DDIAS: variants seen among roughly 807,000 people sequenced by gnomAD.
DDIAS encodes the protein DNA damage induced apoptosis suppressor, also known as DNA damage-induced apoptosis suppressor protein.
A neutral mutation model predicts 15.7 loss-of-function variants in DDIAS; 14 were observed. The ratio of observed to expected loss-of-function variants is 0.89; its 90% CI spans 0.59 to 1.39. DDIAS has a LOEUF of 1.39. Among genes scored for constraint, DDIAS ranks in the 40% most tolerant of loss-of-function variants. DDIAS has a pLI of 0.00. For synonymous variants in DDIAS, 355 were observed against 395.9 expected (o/e 0.90, Z 1.23); for missense variants, 1,035 against 1,130.9 (o/e 0.92, Z 1.22).
Position 82,916,938 on chromosome 11 carries a change from G to A in DDIAS, c.113+2087G>A, listed in dbSNP as rs1010926176. Among the ~76,000 whole-genome samples, 68 of 152,170 alleles carry A rather than the reference G, an allele frequency of 4.5e-4. 1 individual carries two copies. Among genetic ancestry groups the A allele is most frequent in the Admixed American group, 3.1e-3 (47 of 15,284 alleles). On this transcript the variant is annotated intron_variant, in intron 3 of 5. Transcript: ENST00000533655. ...ACCATATTACTTCCAAATTAGCAGC[G>A]AAGTTTGTATTCAGAATGACATCTT... is the stretch of plus-strand genomic sequence containing the variant.
At chr11:82,930,589 A>G (rs760401302) in intron 5 of DDIAS, among the ~76,000 whole-genome samples, 2 of 152,160 alleles carry the variant, frequency 1.3e-5, no homozygotes, top group Non-Finnish European at 2.9e-5. Context: ...TTCAAATTCT[A>G]TAGTAAAACT....
At chr11:82,916,831 G>A (rs531862477) in intron 3 of DDIAS, among the ~76,000 whole-genome samples, 6 of 152,234 alleles carry the variant, frequency 3.9e-5, no homozygotes, top group African/African-American at 1.4e-4. Context: ...GTAACTTACC[G>A]CAAATCATCA....
At chr11:82,914,496 C>T (rs1860591631) in intron 2 of DDIAS, among the ~76,000 whole-genome samples, 1 of 152,154 alleles carries the variant, frequency 6.6e-6, no homozygotes, top group Admixed American at 6.5e-5. Context: ...AAACAGGATA[C>T]AAGAATTTTC....
At chr11:82,925,914 A>T (rs966914087) in intron 3 of DDIAS, among the ~76,000 whole-genome samples, 1 of 150,668 alleles carries the variant, frequency 6.6e-6, no homozygotes, top group African/African-American at 2.5e-5. Flanking sequence ...CCTGAACCCA[A>T]GAGGTGGAGG....
intron 1 of DDIAS, among the ~76,000 whole-genome samples, chr11:82,912,275 T>C (rs1860542787): frequency 6.6e-6 from 1 of 152,244 alleles, no homozygotes; most frequent in Admixed American, 6.5e-5. Flanking sequence ...TATAAGTCTG[T>C]TGTGTCTACA....
At chr11:82,920,033 A>T (rs141556505) in intron 3 of DDIAS, among the ~76,000 whole-genome samples, 3 of 152,214 alleles carry the variant, frequency 2.0e-5, no homozygotes, top group Admixed American at 2.0e-4. Context: ...TTTTGTTGGT[A>T]ATTTTTTAAT....
At chr11:82,903,684 T>C (rs537826696) in intron 1 of DDIAS, among the ~76,000 whole-genome samples, 3 of 152,302 alleles carry the variant, frequency 2.0e-5, no homozygotes, top group African/African-American at 7.2e-5. Context: ...TGACTGCCTT[T>C]AGAAAAATTA....
At chr11:82,919,737 G>A (rs181640723) in intron 3 of DDIAS, among the ~76,000 whole-genome samples, 5 of 152,050 alleles carry the variant, frequency 3.3e-5, no homozygotes, top group Non-Finnish European at 4.4e-5. Context: ...ACTTTTTTTC[G>A]TTGGTTTTTT....
At chr11:82,926,194 A>G (rs966611277) in intron 3 of DDIAS, among the ~76,000 whole-genome samples, 6 of 151,418 alleles carry the variant, frequency 4.0e-5, no homozygotes, top group African/African-American at 1.5e-4. Flanking sequence ...AGCTCAAGCA[A>G]TCCTCCCATC....
Position 82,932,780 on chromosome 11 carries a change from C to A in DDIAS, c.1442C>A (p.Ser481Ter). 3 of 1,613,874 alleles carry A rather than the reference C, an allele frequency of 1.9e-6. No individual in the cohort carries two copies. In the South Asian group the frequency reaches 3.3e-5, roughly 18 times the overall value. The change falls in exon 6 of 6, where the codon TCA becomes TAA. Residue 481 changes from serine to a stop codon, truncating the protein, a stop_gained. Transcript: ENST00000533655. LOFTEE classifies it low-confidence loss of function (END_TRUNC). ...ALHTPPIALR[S>*]SQVIVKANCS... ...CATACACCACCTATAGCTTTAAGAT[C>A]ATCACAAGTAATAGTCAAAGCAAAC...
chr11:82,915,589 A>G (rs1860616154), intron 3 of DDIAS, among the ~76,000 whole-genome samples: 2 of 152,232 alleles, frequency 1.3e-5, no homozygotes, highest in African/African-American at 4.8e-5. Context: ...TCCTTGAAGT[A>G]GTTATCACAC....
chr11:82,914,354 T>G (rs1452203735), intron 2 of DDIAS, among the ~76,000 whole-genome samples: 1 of 152,236 alleles, frequency 6.6e-6, no homozygotes, highest in African/African-American at 2.4e-5. Flanking sequence ...GTTTTGGACT[T>G]TCAGATTCAA....
At chr11:82,913,109 A>G (rs1002888122) in intron 1 of DDIAS, among the ~76,000 whole-genome samples, 178 bp from the exon 2 acceptor site, 4 of 152,238 alleles carry the variant, frequency 2.6e-5, no homozygotes, top group Non-Finnish European at 4.4e-5. Flanking sequence ...AAAATGTGAG[A>G]TGGAAGGTGA....
chr11:82,914,498 A>G (rs1402599087), intron 2 of DDIAS, among the ~76,000 whole-genome samples: 1 of 152,238 alleles, frequency 6.6e-6, no homozygotes, highest in East Asian at 1.9e-4. Context: ...ACAGGATACA[A>G]GAATTTTCTT....
Position 82,931,999 on chromosome 11 carries a change from G to A in DDIAS, c.661G>A (p.Asp221Asn), listed in dbSNP as rs1213734711. Residue 221 changes from aspartate (D) to asparagine (N), a missense_variant, in exon 6 of 6, where the codon GAC (aspartate) becomes AAC (asparagine). Asp to Asn is a conservative substitution (Grantham distance 23). Transcript: ENST00000533655. ...NSDLSSIYTS[D>N]STSDFFKSCS... Reference sequence around the variant, plus strand: ...TGATCTCAGCAGCATATATACTTCTGACAGCACTTCTGATTTTTTCAAGTC... The same window carrying A: ...TGATCTCAGCAGCATATATACTTCTAACAGCACTTCTGATTTTTTCAAGTC... 8.7e-6 allele frequency: 14 copies of A among 1,613,992 alleles called. No homozygotes were observed. The highest frequency in any genetic ancestry group is 1.2e-5 in the Non-Finnish European group (14 of 1,180,034).
intron 3 of DDIAS, among the ~76,000 whole-genome samples, chr11:82,916,700 C>T (rs918367869): frequency 2.0e-5 from 3 of 152,210 alleles, no homozygotes; most frequent in African/African-American, 7.2e-5. Flanking sequence ...GTTTGCTGTA[C>T]AGTAGGCACT....
At position 82,934,287 on chromosome 11, in the gene DDIAS, T is replaced by C. The variant is rs1861073170; in HGVS notation, c.2949T>C (p.Pro983=). ...CCLPFSEKGP[P]SVCETRSAWS... is the part of the protein sequence containing the mutation. ...TTCCATTTTCAGAAAAAGGCCCACCTTCAGTGTGTGAAACTCGAAGTGCTT... is the reference window on the plus strand; with the variant it reads ...TTCCATTTTCAGAAAAAGGCCCACCCTCAGTGTGTGAAACTCGAAGTGCTT... Residue 983 remains proline (P), a synonymous_variant, in exon 6 of 6, where the codon CCT becomes CCC. Coordinates refer to ENST00000533655, the MANE Select transcript of DDIAS (RefSeq NM_145018.4). 1.1e-5 allele frequency: 17 copies of C among 1,608,616 alleles called. No homozygotes were observed. Among genetic ancestry groups the C allele is most frequent in the Non-Finnish European group, 1.4e-5 (16 of 1,178,618 alleles).
chr11:82,933,349 G>A lies in DDIAS; in HGVS notation c.2011G>A (p.Gly671Ser), dbSNP rs767697441. 1 of 1,614,000 alleles carries A rather than the reference G, an allele frequency of 6.2e-7. No individual in the cohort carries two copies. The highest frequency in any genetic ancestry group is 8.5e-7 in the Non-Finnish European group (1 of 1,179,978). The change falls in exon 6 of 6, where the codon GGT (glycine) becomes AGT (serine). Residue 671 changes from glycine (G) to serine (S), a missense_variant. Gly to Ser is a moderately conservative substitution (Grantham distance 56). Coordinates refer to ENST00000533655, the MANE Select transcript of DDIAS (RefSeq NM_145018.4). ...ACAGAGCTATTCTATTGGTTATGAA[G>A]GTAGCTATGATGCCTCTGCTGATCT... The part of the protein sequence containing the change: ...VTQSYSIGYE[G>S]SYDASADLFD...
intron 1 of DDIAS, among the ~76,000 whole-genome samples, chr11:82,903,343 A>T (rs144898212): frequency 1.2e-3 from 181 of 152,262 alleles, no homozygotes; most frequent in Admixed American, 3.7e-3. Flanking sequence ...GATGAGTGTG[A>T]TGTGGGATAT....
Sources: gnomAD v4.1 joint callset for allele counts (sites outside exome capture counted in the v4.1 genomes callset) on GRCh38, gnomAD v4.1.1 for gene constraint, MANE v1.5 for transcripts, NCBI Gene and HGNC (gene_info 2026-07-23, HGNC 2026-07-21) for gene names.